The following RAG1 variants were observed in gnomAD, a reference collection of about 807,000 sequenced individuals.
The protein encoded by RAG1 is V(D)J recombination-activating protein 1.
Under a neutral mutation model 62.7 loss-of-function variants are expected in RAG1, and 35 were observed. That is an observed-to-expected ratio of 0.56 (90% CI 0.43 to 0.74). The LOEUF (loss-of-function observed/expected upper bound fraction) is 0.74, where lower values mean the gene tolerates loss of function less well. Among genes scored for constraint, RAG1 ranks in the 30% least tolerant of loss-of-function variants. The pLI is 0.00. For missense variants in RAG1, 1,169 were observed against 1,278.6 expected (o/e 0.91, Z 1.31); for synonymous variants, 461 against 470.3 (o/e 0.98, Z 0.26).
At chr11:36,571,679 A>T (rs1164180750) in intron 1 of RAG1, among the ~76,000 whole-genome samples, 1 of 152,072 alleles carries the variant, frequency 6.6e-6, no homozygotes, top group Non-Finnish European at 1.5e-5. Context: ...CAGTGGCGTG[A>T]TCTTGGCCCA....
In RAG1 at chr11:36,534,532, G is replaced by A. The variant is rs1056800074; in HGVS notation, n.429-1427G>A. On this transcript the variant is annotated intron_variant and non_coding_transcript_variant, in intron 2 of 2. Coordinates refer to the RAG1 transcript ENST00000529126. ...TTTAGGATGTACAATTTGCCATACT[G>A]GATATTTTCCACTGCCATGGCAATC... Among the ~76,000 whole-genome samples, 13 of 152,152 alleles carry A rather than the reference G, an allele frequency of 8.5e-5. 1 individual carries two copies. Among genetic ancestry groups the A allele is most frequent in the Admixed American group, 7.9e-4 (12 of 15,268 alleles).
intron 1 of RAG1, among the ~76,000 whole-genome samples, chr11:36,513,701 A>C (rs934335449): frequency 6.6e-6 from 1 of 152,238 alleles, no homozygotes; most frequent in African/African-American, 2.4e-5. Flanking sequence ...GAAGCCTCAC[A>C]ATCATGGTGG....
At chr11:36,543,586 G>C (rs1183173692) in intron 3 of RAG1, among the ~76,000 whole-genome samples, 1 of 152,158 alleles carries the variant, frequency 6.6e-6, no homozygotes, top group African/African-American at 2.4e-5. Context: ...GCCCTTCTTG[G>C]AGGCACTTAC....
chr11:36,516,096 C>T (rs1859991556), intron 1 of RAG1, among the ~76,000 whole-genome samples: 2 of 152,136 alleles, frequency 1.3e-5, no homozygotes, highest in Non-Finnish European at 2.9e-5. Flanking sequence ...CTTAATTTTG[C>T]CGCTGTTCAT....
intron 2 of RAG1, chr11:36,535,918 C>T (rs920029578): frequency 3.3e-5 from 5 of 152,004 alleles, no homozygotes; most frequent in African/African-American, 1.2e-4. Flanking sequence ...GTTAGCTCAT[C>T]ATTGTGGATT....
chr11:36,526,697 A>C (rs1032453946), intron 2 of RAG1, among the ~76,000 whole-genome samples: 5 of 152,214 alleles, frequency 3.3e-5, no homozygotes. Context: ...CACTCCCACC[A>C]ACAGTGTAAA....
chr11:36,528,668 G>C (rs1860204200), intron 2 of RAG1, among the ~76,000 whole-genome samples: 1 of 151,996 alleles, frequency 6.6e-6, no homozygotes, highest in Non-Finnish European at 1.5e-5. Context: ...CAAGGAGATA[G>C]AGACACAAAA....
intron 3 of RAG1, among the ~76,000 whole-genome samples, chr11:36,557,796 T>C (rs568107421): frequency 6.6e-6 from 1 of 152,376 alleles, no homozygotes; most frequent in East Asian, 1.9e-4. Flanking sequence ...TATTTTAATA[T>C]GTATCCTCAA....
In RAG1 at chr11:36,574,979, A is replaced by T. The variant is rs1850817996; in HGVS notation, c.1675A>T (p.Arg559Trp). The change falls in exon 2 of 2, where the codon AGG becomes TGG. Residue 559 changes from arginine to tryptophan, a missense_variant. By Grantham distance (101) the Arg-to-Trp change is moderately radical. This residue lies in a region of RAG1 where 800 missense variants were observed against 943.3 expected (regional missense o/e 0.85). Transcript: ENST00000299440. ...DDYPVDTIAKRFRYDSALVSA... is the reference protein window; with the variant it reads ...DDYPVDTIAKWFRYDSALVSA... ...TTACCCAGTGGACACCATTGCAAAG[A>T]GGTTCCGCTATGATTCAGCTTTGGT... 1 of 1,614,020 alleles carries T rather than the reference A, an allele frequency of 6.2e-7. No individual in the cohort carries two copies. Among genetic ancestry groups the T allele is most frequent in the Non-Finnish European group, 8.5e-7 (1 of 1,180,034 alleles).
rs757035017 is a variant in RAG1 at position 36,573,367 on chromosome 11, A to T, written c.63A>T (p.Pro21=). 92 of 1,614,032 alleles carry T rather than the reference A, an allele frequency of 5.7e-5. No homozygotes were observed. The highest frequency in any genetic ancestry group is 7.8e-5 in the Non-Finnish European group (92 of 1,180,026). Residue 21 remains proline (P), a synonymous_variant, in exon 2 of 2, where the codon CCA becomes CCT. Coordinates refer to ENST00000299440, the MANE Select transcript of RAG1 (RefSeq NM_000448.3). ...CTGCCCCAGATGAAATTCAGCACCC[A>T]CATATTAAATTTTCAGAATGGAAAT... ...LSSAPDEIQH[P]HIKFSEWKFK... is the part of the protein sequence containing the mutation.
intron 3 of RAG1, among the ~76,000 whole-genome samples, chr11:36,561,397 T>C (rs918531011): frequency 7.2e-5 from 11 of 152,224 alleles, no homozygotes; most frequent in Non-Finnish European, 1.3e-4. Context: ...TCATCACTCT[T>C]GATTCACAAT....
chr11:36,522,035 T>G (rs1860087729), intron 2 of RAG1, among the ~76,000 whole-genome samples: 1 of 152,066 alleles, frequency 6.6e-6, no homozygotes, highest in African/African-American at 2.4e-5. Flanking sequence ...AGCATAAAAG[T>G]TTGGAAAATT....
upstream of RAG1, among the ~76,000 whole-genome samples, chr11:36,564,060 AC>A (rs1850627471): frequency 6.6e-6 from 1 of 152,208 alleles, no homozygotes; most frequent in Non-Finnish European, 1.5e-5. Flanking sequence ...TGGAAATGGA[AC>A]AGATGTCTCC....
At chr11:36,530,060 T>G (rs1027176470) in intron 2 of RAG1, among the ~76,000 whole-genome samples, 1 of 152,090 alleles carries the variant, frequency 6.6e-6, no homozygotes, top group African/African-American at 2.4e-5. Context: ...TTTATGTTTT[T>G]TGAGGAATTA....
At chr11:36,546,001 T>G (rs1178784180) in intron 3 of RAG1, among the ~76,000 whole-genome samples, 1 of 152,208 alleles carries the variant, frequency 6.6e-6, no homozygotes, top group Non-Finnish European at 1.5e-5. Flanking sequence ...GAGGACTGTT[T>G]TACTACCAAT....
At chr11:36,543,503 T>G (rs749075524) in intron 3 of RAG1, among the ~76,000 whole-genome samples, 9 of 152,130 alleles carry the variant, frequency 5.9e-5, no homozygotes, top group Non-Finnish European at 7.4e-5. Context: ...ATCCCAAAGC[T>G]TATTGGGAGG....
intron 2 of RAG1, among the ~76,000 whole-genome samples, chr11:36,534,376 T>C (rs923218076): frequency 2.0e-5 from 3 of 152,140 alleles, no homozygotes; most frequent in African/African-American, 4.8e-5. Context: ...ATAAACACCG[T>C]TTTGCTCACC....
At chr11:36,527,611 C>G (rs1371826157) in intron 2 of RAG1, among the ~76,000 whole-genome samples, 1 of 151,984 alleles carries the variant, frequency 6.6e-6, no homozygotes, top group Admixed American at 6.6e-5. Context: ...TTTTTTCCAA[C>G]TCTTTGAAGA....
intron 2 of RAG1, among the ~76,000 whole-genome samples, chr11:36,535,791 T>C (rs1001050193): frequency 7.2e-5 from 11 of 152,126 alleles, no homozygotes; most frequent in Non-Finnish European, 1.5e-4. Flanking sequence ...TACACACATA[T>C]AATTTATTAC....
Sources: gnomAD v4.1 joint callset for allele counts (sites outside exome capture counted in the v4.1 genomes callset) on GRCh38, gnomAD v4.1.1 for gene constraint, gnomAD v4.1.1 regional missense constraint, MANE v1.5 for transcripts, NCBI Gene and HGNC (gene_info 2026-07-23, HGNC 2026-07-21) for gene names.